Variants in NEO1 observed in about 807,000 individuals in gnomAD.
NEO1 encodes the protein neogenin 1.
A neutral mutation model predicts 159.7 loss-of-function variants in NEO1; 63 were observed. The observed-to-expected ratio is 0.39, with a 90% confidence interval of 0.32 to 0.49. The LOEUF (loss-of-function observed/expected upper bound fraction) is 0.49. Among genes scored for constraint, NEO1 ranks in the 20% least tolerant of loss-of-function variants. The probability of loss-of-function intolerance (pLI) is 0.85; values close to 1 mark genes in which losing one functional copy is unlikely to be tolerated. For missense variants in NEO1, 1,615 were observed against 1,831.0 expected (o/e 0.88, Z 2.15); for synonymous variants, 633 against 662.0 (o/e 0.96, Z 0.67).
chr15:73,151,100 G>T (rs565711385), intron 5 of NEO1, among the ~76,000 whole-genome samples: 3 of 152,156 alleles, frequency 2.0e-5, no homozygotes, highest in Non-Finnish European at 2.9e-5. Context: ...TCCACATTCT[G>T]ACCCACATTT....
intron 11 of NEO1, among the ~76,000 whole-genome samples, chr15:73,252,718 G>A (rs1363433594): frequency 6.6e-6 from 1 of 152,108 alleles, no homozygotes; most frequent in Non-Finnish European, 1.5e-5. Flanking sequence ...GGCCAGGCAC[G>A]GTGGCTCATG....
At chr15:73,102,154 T>G (rs1055632073) in intron 1 of NEO1, among the ~76,000 whole-genome samples, 1 of 152,086 alleles carries the variant, frequency 6.6e-6, no homozygotes, top group Non-Finnish European at 1.5e-5. Flanking sequence ...GATCATGAGG[T>G]CGGGAGTTCA....
chr15:73,285,454 G>A (rs746113362), intron 23 of NEO1, among the ~76,000 whole-genome samples: 1 of 152,140 alleles, frequency 6.6e-6, no homozygotes, highest in African/African-American at 2.4e-5. Flanking sequence ...GTATTGGCAC[G>A]TCCTACAGAT....
intron 7 of NEO1, among the ~76,000 whole-genome samples, chr15:73,186,282 T>TG (rs1444706882): frequency 6.6e-6 from 1 of 151,580 alleles, no homozygotes; most frequent in Non-Finnish European, 1.5e-5. Flanking sequence ...TTAGTATTAG[T>TG]GTATGTGCTG....
In NEO1 at chr15:73,122,685, T is replaced by C. The variant is rs781658504; in HGVS notation, c.609T>C (p.Ser203=). The C allele has an allele frequency of 2.5e-6, 4 of 1,614,152 alleles. No individual in the cohort carries two copies. The East Asian group carries it at 6.7e-5, about 27-fold the overall frequency. The change falls in exon 3 of 29, where the codon AGT becomes AGC. Residue 203 remains serine, a synonymous_variant. Coordinates refer to ENST00000261908, the MANE Select transcript of NEO1 (RefSeq NM_002499.4). The part of the protein sequence containing the change: ...LLDDRVIKLP[S]GMLVISNATE... Reference sequence around the variant, plus strand: ...ATGATAGAGTTATCAAACTTCCAAGTGGAATGCTGGTTATCAGCAATGCAA... The same window carrying C: ...ATGATAGAGTTATCAAACTTCCAAGCGGAATGCTGGTTATCAGCAATGCAA...
At chr15:73,169,643 CTTTTTTTT>C (rs35991255) in intron 5 of NEO1, among the ~76,000 whole-genome samples, 5 of 105,246 alleles carry the variant, frequency 4.8e-5, no homozygotes, top group Admixed American at 2.3e-4. Context: ...CTCCCCCCTC[CTTTTTTTT>C]TTTTTTTTTT....
chr15:73,205,903 T>TA (rs201028544), intron 7 of NEO1, among the ~76,000 whole-genome samples: 61 of 151,870 alleles, frequency 4.0e-4, no homozygotes, highest in Non-Finnish European at 6.9e-4. Context: ...TCAACATCTG[T>TA]AATTTTTTTT....
intron 11 of NEO1, among the ~76,000 whole-genome samples, chr15:73,251,378 G>A (rs2040057146): frequency 6.6e-6 from 1 of 151,914 alleles, no homozygotes; most frequent in South Asian, 2.1e-4. Flanking sequence ...CTGGGCATTA[G>A]TGGCACACAC....
At chr15:73,245,030 A>G (rs1020956499) in intron 9 of NEO1, among the ~76,000 whole-genome samples, 2 of 147,348 alleles carry the variant, frequency 1.4e-5, no homozygotes, top group African/African-American at 5.0e-5. Flanking sequence ...GTGCTTTTCT[A>G]CGTGTTCATA....
intron 5 of NEO1, among the ~76,000 whole-genome samples, chr15:73,148,058 C>T (rs528861656): frequency 2.6e-5 from 4 of 152,206 alleles, no homozygotes; most frequent in Non-Finnish European, 5.9e-5. Context: ...AGTGATCCAC[C>T]CACCCCGGCC....
chr15:73,228,878 A>G (rs8042700), intron 7 of NEO1, among the ~76,000 whole-genome samples: 60,814 of 151,918 alleles, frequency 0.4, 13,758 homozygotes, highest in Admixed American at 0.51. Flanking sequence ...CCAAAAATCA[A>G]TTGACCACAA....
intron 7 of NEO1, among the ~76,000 whole-genome samples, chr15:73,220,138 G>T (rs973626726): frequency 3.3e-5 from 5 of 151,962 alleles, no homozygotes; most frequent in Non-Finnish European, 7.4e-5. Context: ...AAATCTCTCA[G>T]CATTTGCTTG....
chr15:73,179,343 AGAGGG>A (rs2035467775), intron 7 of NEO1, among the ~76,000 whole-genome samples: 1 of 152,126 alleles, frequency 6.6e-6, no homozygotes, highest in African/African-American at 2.4e-5. Flanking sequence ...ACCCTGTTGG[AGAGGG>A]TGTAACCATG....
intron 9 of NEO1, among the ~76,000 whole-genome samples, chr15:73,247,922 A>G (rs777930405): frequency 1.3e-5 from 2 of 152,188 alleles, no homozygotes; most frequent in Non-Finnish European, 2.9e-5. Flanking sequence ...CCAGTCTTCC[A>G]GTCACATACA....
chr15:73,232,690 C>A (rs958991798), intron 7 of NEO1, among the ~76,000 whole-genome samples: 1 of 152,156 alleles, frequency 6.6e-6, no homozygotes, highest in African/African-American at 2.4e-5. Flanking sequence ...CATGGAATAC[C>A]TTGTTCCATG....
chr15:73,077,187 G>GCA (rs2068811252), intron 1 of NEO1, among the ~76,000 whole-genome samples: 1 of 152,020 alleles, frequency 6.6e-6, no homozygotes, highest in Non-Finnish European at 1.5e-5. Flanking sequence ...GGGATTACAG[G>GCA]TGCCCGCCAC....
At chr15:73,297,641 CAACTCTGCCCCTTCTTATATTTT>C (rs1252977566) in intron 26 of NEO1, among the ~76,000 whole-genome samples, 1 of 152,018 alleles carries the variant, frequency 6.6e-6, no homozygotes, top group African/African-American at 2.4e-5. Context: ...CCTTCCAGAA[CAACTCTGCCCCTTCTTATATTTT>C]GAGATTGTTA....
At chr15:73,082,872 T>C (rs1157134926) in intron 1 of NEO1, among the ~76,000 whole-genome samples, 1 of 152,160 alleles carries the variant, frequency 6.6e-6, no homozygotes, top group Non-Finnish European at 1.5e-5. Flanking sequence ...CCCTGGCTAG[T>C]GTATCAGAGA....
At chr15:73,267,723 A>C (rs1360584980) in intron 16 of NEO1, among the ~76,000 whole-genome samples, 1 of 151,932 alleles carries the variant, frequency 6.6e-6, no homozygotes, top group African/African-American at 2.4e-5. Flanking sequence ...TGAACTCATC[A>C]TTTTTTATGG....
Sources: gnomAD v4.1 joint callset for allele counts (sites outside exome capture counted in the v4.1 genomes callset) on GRCh38, gnomAD v4.1.1 for gene constraint, MANE v1.5 for transcripts, NCBI Gene and HGNC (gene_info 2026-07-23, HGNC 2026-07-21) for gene names.